KYNU: variants seen among roughly 807,000 people sequenced by gnomAD.
KYNU encodes L-kynurenine hydrolase.
KYNU carries 54 observed loss-of-function variants against 59.2 expected under a neutral mutation model. That is an observed-to-expected ratio of 0.91 (90% CI 0.73 to 1.14). The LOEUF (loss-of-function observed/expected upper bound fraction) is 1.14, where lower values mean the gene tolerates loss of function less well. Among genes scored for constraint, KYNU ranks in the 50% most tolerant of loss-of-function variants. KYNU has a pLI of 0.00. For synonymous variants in KYNU, 177 were observed against 192.0 expected, an observed-to-expected ratio of 0.92 and a Z score of 0.65; for missense variants, 567 against 554.4, an observed-to-expected ratio of 1.02 and a Z score of -0.23.
chr2:143,036,578 A>G (rs1180662255), intron 12 of KYNU, among the ~76,000 whole-genome samples: 1 of 152,244 alleles, frequency 6.6e-6, no homozygotes, highest in East Asian at 1.9e-4. Context: ...TGTGGGAGCT[A>G]AAAACATAAA....
chr2:142,912,213 A>G (rs1008491732), intron 2 of KYNU, among the ~76,000 whole-genome samples: 1 of 151,944 alleles, frequency 6.6e-6, no homozygotes, highest in African/African-American at 2.4e-5. Flanking sequence ...TTTATGACTG[A>G]TTCAAGTTGA....
In KYNU at chr2:142,976,466, G is replaced by C. The variant is rs1209647753; in HGVS notation, c.730-8618G>C. ...GTTGTCTCCTCTGTTTGTATATATT[G>C]ACACAAATACAGTCATTCAGTAGCT... On this transcript the variant is annotated intron_variant, in intron 8 of 13. Transcript: ENST00000264170. 2.0e-5 allele frequency among the ~76,000 whole-genome samples: 3 copies of C among 152,080 alleles called. No homozygotes were observed. In the East Asian group the frequency reaches 5.8e-4, roughly 29 times the overall value.
At position 143,051,578 on chromosome 2, in the gene KYNU, C is replaced by T. The variant is rs1457324332; in HGVS notation, c.*9406C>T. 1 of 152,090 alleles carries T rather than the reference C, an allele frequency of 6.6e-6. No homozygotes were observed. The highest frequency in any genetic ancestry group is 1.5e-5 in the Non-Finnish European group (1 of 68,026). The allele number at this position is 152,090 out of a possible 1,614,324, so 9.4% of individuals were successfully genotyped here. ...AGGACCTGGTAAGAGGTAATTGAAT[C>T]ATGGGGGCAGGACTTTCCCATGATG... On this transcript the variant is annotated 3_prime_UTR_variant, in exon 14 of 14. Coordinates refer to ENST00000264170, the MANE Select transcript of KYNU (RefSeq NM_003937.3).
intron 10 of KYNU, among the ~76,000 whole-genome samples, chr2:142,988,140 G>A (rs939037572): frequency 2.6e-5 from 4 of 151,556 alleles, no homozygotes; most frequent in African/African-American, 9.7e-5. Context: ...ATAGGTATGG[G>A]GTTATATGAA....
chr2:143,017,230 G>C (rs988915641), intron 10 of KYNU, among the ~76,000 whole-genome samples: 1 of 151,690 alleles, frequency 6.6e-6, no homozygotes, highest in Admixed American at 6.6e-5. Flanking sequence ...GTGTCTTTTT[G>C]GTAAAATAAT....
intron 2 of KYNU, among the ~76,000 whole-genome samples, chr2:142,912,703 C>CTTTTTTTTTTTTT (rs1163302368): frequency 2.8e-5 from 2 of 71,834 alleles, no homozygotes; most frequent in African/African-American, 1.4e-4. Flanking sequence ...TTCTTTCTTC[C>CTTTTTTTTTTTTT]TTTTTTTTTT....
In KYNU at chr2:142,927,688, G is replaced by A. The variant is rs545230086; in HGVS notation, c.320G>A (p.Arg107His). 38 of 1,613,388 alleles carry A rather than the reference G, an allele frequency of 2.4e-5. 1 individual carries two copies. In the South Asian group the frequency reaches 3.0e-4, roughly 13 times the overall value. The change falls in exon 4 of 14, where the codon CGT (arginine) becomes CAT (histidine). Residue 107 changes from arginine to histidine, a missense_variant. Arg to His is a conservative substitution (Grantham distance 29). Coordinates refer to ENST00000264170, the MANE Select transcript of KYNU (RefSeq NM_003937.3). ...GCCTATGGTCATGAAGTGGGGAAGCGTCCTTGGATTACAGGAGATGAGAGT... is the reference window on the plus strand; with the variant it reads ...GCCTATGGTCATGAAGTGGGGAAGCATCCTTGGATTACAGGAGATGAGAGT... ...IAAYGHEVGK[R>H]PWITGDESIV...
At chr2:142,914,776 ATGT>A (rs1040057314) in intron 2 of KYNU, among the ~76,000 whole-genome samples, 9 of 152,190 alleles carry the variant, frequency 5.9e-5, no homozygotes, top group African/African-American at 9.6e-5. Flanking sequence ...TTATCAATAA[ATGT>A]TGTGTGTGTT....
At chr2:143,027,629 C>G (rs1234491515) in intron 10 of KYNU, among the ~76,000 whole-genome samples, 2 of 152,180 alleles carry the variant, frequency 1.3e-5, no homozygotes, top group African/African-American at 4.8e-5. Flanking sequence ...TCTTCCCCAT[C>G]TCTGGTTTGC....
At chr2:142,951,429 G>GGTAGAAGGATTGTT (rs1683986785) in intron 4 of KYNU, among the ~76,000 whole-genome samples, 1 of 152,148 alleles carries the variant, frequency 6.6e-6, no homozygotes, top group Non-Finnish European at 1.5e-5. Flanking sequence ...ATGTAACAGA[G>GGTAGAAGGATTGTT]GTAGAAGGAT....
intron 2 of KYNU, among the ~76,000 whole-genome samples, chr2:142,908,866 C>T (rs1682387314): frequency 1.3e-5 from 2 of 152,142 alleles, no homozygotes; most frequent in South Asian, 4.1e-4. Flanking sequence ...GATCTCCTGA[C>T]CTCGTGATCC....
chr2:143,014,007 G>A (rs530877529), intron 10 of KYNU, among the ~76,000 whole-genome samples: 36 of 152,302 alleles, frequency 2.4e-4, no homozygotes, highest in African/African-American at 8.2e-4. Flanking sequence ...CCTATCCCTG[G>A]GGGAGCAGGA....
chr2:143,020,357 A>T (rs1341880889), intron 10 of KYNU, among the ~76,000 whole-genome samples: 1 of 152,134 alleles, frequency 6.6e-6, no homozygotes, highest in East Asian at 1.9e-4. Flanking sequence ...AGAAATTTTT[A>T]AATTTCCTTC....
chr2:142,958,868 A>G (rs1257130758), intron 7 of KYNU, among the ~76,000 whole-genome samples: 1 of 152,168 alleles, frequency 6.6e-6, no homozygotes, highest in Non-Finnish European at 1.5e-5. Flanking sequence ...TTTCCTTACC[A>G]CTTTATTGGA....
intron 10 of KYNU, among the ~76,000 whole-genome samples, chr2:142,991,743 C>T (rs1422086980): frequency 6.6e-6 from 1 of 151,830 alleles, no homozygotes; most frequent in Non-Finnish European, 1.5e-5. Flanking sequence ...AGTCCTTAAT[C>T]CTCTTGCCCA....
intron 10 of KYNU, among the ~76,000 whole-genome samples, chr2:143,006,676 G>C: frequency 6.6e-6 from 1 of 151,130 alleles, no homozygotes; most frequent in East Asian, 1.9e-4. Context: ...TTTGAAGAGA[G>C]CAGTGGCTCT....
At position 142,935,947 on chromosome 2, in the gene KYNU, G is replaced by T. The variant is rs575041851; in HGVS notation, c.373+8206G>T. ...GCTAGAATTGTCCTGATGGGACGGT[G>T]TAGGAAAAGAAGTGGATACAGCTGA... On this transcript the variant is annotated intron_variant, in intron 4 of 13. Transcript: ENST00000264170. Among the ~76,000 whole-genome samples, 4 of 152,288 alleles carry T rather than the reference G, an allele frequency of 2.6e-5. No homozygotes were observed. The East Asian group carries it at 7.7e-4, about 29-fold the overall frequency.
intron 2 of KYNU, among the ~76,000 whole-genome samples, chr2:142,917,040 A>C (rs1682687740): frequency 1.3e-5 from 2 of 152,360 alleles, no homozygotes; most frequent in South Asian, 4.1e-4. Flanking sequence ...CAATCTCTAC[A>C]ATAAATGTTT....
chr2:142,956,365 T>C, intron 6 of KYNU, 91 bp downstream of exon 6: 2 of 759,072 alleles, frequency 2.6e-6, no homozygotes, highest in Non-Finnish European at 4.5e-6. Context: ...CTCACTAGGC[T>C]TTTCCAAGCA....
Sources: allele counts gnomAD v4.1 joint callset (sites outside exome capture counted in the v4.1 genomes callset), GRCh38; gene constraint gnomAD v4.1.1; transcripts MANE v1.5; gene names NCBI Gene and HGNC (gene_info 2026-07-23, HGNC 2026-07-21).